WDR35: variants seen among roughly 807,000 people sequenced by gnomAD.
WDR35 encodes the protein WD repeat domain 35.
In WDR35, 118 loss-of-function variants were observed where a neutral mutation model predicts 158.3. The ratio of observed to expected loss-of-function variants is 0.75; its 90% CI spans 0.64 to 0.87. The LOEUF (loss-of-function observed/expected upper bound fraction) is 0.87. Among genes scored for constraint, WDR35 ranks in the 40% least tolerant of loss-of-function variants. WDR35 has a pLI of 0.00. For synonymous variants in WDR35, 448 were observed against 476.1 expected, an observed-to-expected ratio of 0.94 and a Z score of 0.77; for missense variants, 1,263 against 1,405.8, an observed-to-expected ratio of 0.90 and a Z score of 1.62.
At chr2:19,938,178 G>T in intron 18 of WDR35, 87 bp downstream of exon 18, 1 of 1,551,030 alleles carries the variant, frequency 6.4e-7, no homozygotes, top group South Asian at 1.1e-5. Context: ...GCTCCCATCA[G>T]GAGGATAGTA....
chr2:19,953,956 G>A lies in WDR35; in HGVS notation c.1278C>T (p.Thr426=). Residue 426 remains threonine (T), a synonymous_variant, in exon 12 of 27, where the codon ACC becomes ACT. Transcript: ENST00000281405. ...TCGAGGCTGCTATCACATGGGTTTT[G>A]GTCATTGCAACAAACAATGGTACTG... ...IDIVPLFVAM[T]KTHVIAASKE... The A allele has an allele frequency of 6.2e-7, 1 of 1,614,044 alleles. No individual in the cohort carries two copies. Among genetic ancestry groups the A allele is most frequent in the South Asian group, 1.1e-5 (1 of 91,070 alleles).
At position 19,913,262 on chromosome 2, in the gene WDR35, T is replaced by C. The variant is rs1007890270; in HGVS notation, c.*296A>G. Reference sequence around the variant, plus strand: ...ACCTTGACACTGTGAGAAAAAAATTTATTTGGAATATTTCCATGGTATCAT... The same window carrying C: ...ACCTTGACACTGTGAGAAAAAAATTCATTTGGAATATTTCCATGGTATCAT... On this transcript the variant is annotated 3_prime_UTR_variant, in exon 27 of 27. Transcript: ENST00000281405. 8 of 264,232 alleles carry C rather than the reference T, an allele frequency of 3.0e-5. No individual in the cohort carries two copies. The East Asian group carries it at 6.9e-4, about 23-fold the overall frequency. The allele number at this position is 264,232 out of a possible 1,614,324, so 16.4% of individuals were successfully genotyped here.
intron 25 of WDR35, among the ~76,000 whole-genome samples, chr2:19,927,944 C>T (rs753698430): frequency 1.4e-4 from 21 of 152,350 alleles, no homozygotes; most frequent in Middle Eastern, 3.4e-3. Context: ...AAGTAGCTCA[C>T]CATGACAAAG....
At chr2:19,987,807 G>A (rs988956070) in intron 2 of WDR35, among the ~76,000 whole-genome samples, 12 of 118,714 alleles carry the variant, frequency 1.0e-4, no homozygotes, top group South Asian at 2.9e-4. Flanking sequence ...CTGGGCAACA[G>A]AGCGAAACTC....
intron 25 of WDR35, among the ~76,000 whole-genome samples, chr2:19,929,888 CT>C (rs1187716665): frequency 1.3e-5 from 2 of 151,986 alleles, no homozygotes; most frequent in African/African-American, 4.8e-5. Context: ...CTAAGTATCA[CT>C]TTTATAAAAC....
chr2:19,977,875 C>T (rs1196372268), intron 5 of WDR35, among the ~76,000 whole-genome samples: 1 of 152,120 alleles, frequency 6.6e-6, no homozygotes, highest in Non-Finnish European at 1.5e-5. Flanking sequence ...TCCTCTGGAC[C>T]TCCTCAAATA....
At position 19,930,530 on chromosome 2, in the gene WDR35, A is replaced by C; in HGVS notation, c.2987T>G (p.Leu996Trp). The C allele has an allele frequency of 2.5e-6, 4 of 1,614,148 alleles. No homozygotes were observed. The highest frequency in any genetic ancestry group is 3.4e-6 in the Non-Finnish European group (4 of 1,180,030). The change falls in exon 25 of 27, where the codon TTG becomes TGG. Residue 996 changes from leucine (L) to tryptophan (W), a missense_variant. Physicochemically the swap from Leu to Trp is moderately conservative, Grantham distance 61 (BLOSUM62 -2). Coordinates refer to ENST00000281405, the MANE Select transcript of WDR35 (RefSeq NM_020779.4). ...SSEATSALAG[L>W]LEEEVLSTTD... The stretch of plus-strand genomic sequence containing the variant: ...TGTAGACAGAACTTCTTCTTCCAGC[A>C]AACCAGCCAAGGCAGAAGTGGCCTA...
In WDR35 at chr2:19,912,033, T is replaced by C. The variant is rs1390731268; in HGVS notation, c.*1525A>G. ...TGGCTCAAGCGGCCACTCTGGTCCT[T>C]TTTGTAACCCGACTATTAGGGGAAA... On this transcript the variant is annotated 3_prime_UTR_variant, in exon 27 of 27. Coordinates refer to ENST00000281405, the MANE Select transcript of WDR35 (RefSeq NM_020779.4). 6.6e-6 allele frequency: 1 copy of C among 152,162 alleles called. No homozygotes were observed. The highest frequency in any genetic ancestry group is 6.5e-5 in the Admixed American group (1 of 15,280). 9.4% of individuals were successfully genotyped at this position (152,162 alleles called of 1,614,324 possible).
intron 18 of WDR35, 105 bp downstream of exon 18, chr2:19,938,160 G>T: frequency 6.7e-7 from 1 of 1,502,698 alleles, no homozygotes; most frequent in South Asian, 1.2e-5. Flanking sequence ...GAGCAAGAAT[G>T]GAAGTCTGCT....
intron 11 of WDR35, 52 bp downstream of exon 11, chr2:19,960,502 T>C (rs1671611813): frequency 1.4e-6 from 2 of 1,407,140 alleles, no homozygotes; most frequent in African/African-American, 2.8e-5. Flanking sequence ...TTTAAATTAG[T>C]GTTACAAATA....
intron 1 of WDR35, among the ~76,000 whole-genome samples, chr2:19,989,680 C>T (rs1672687238): frequency 6.6e-6 from 1 of 152,186 alleles, no homozygotes; most frequent in Admixed American, 6.5e-5. Context: ...GTTTAAATCA[C>T]GTGGATCAGC....
rs148510977 is a variant in WDR35 at position 19,953,904 on chromosome 2, G to A, written c.1330C>T (p.Arg444Cys). Reference protein sequence around the residue: ...SKEAFYTWQYRVAKKLTALEI... With the variant: ...SKEAFYTWQYCVAKKLTALEI... The stretch of plus-strand genomic sequence containing the variant: ...AATGCTGTGAGCTTCTTTGCCACAC[G>A]ATATTGCCAGGTATAAAATGCTTCT... The change falls in exon 12 of 27, where the codon CGT (arginine) becomes TGT (cysteine). Residue 444 changes from arginine (R) to cysteine (C), a missense_variant. Transcript: ENST00000281405. The A allele has an allele frequency of 7.5e-5, 121 of 1,614,064 alleles. No homozygotes were observed. The highest frequency in any genetic ancestry group is 3.8e-4 in the Admixed American group (23 of 60,014).
intron 26 of WDR35, 114 bp from the exon 27 acceptor site, chr2:19,913,822 T>A: frequency 6.8e-7 from 1 of 1,466,442 alleles, no homozygotes; most frequent in Non-Finnish European, 9.2e-7. Flanking sequence ...GAACATCAAA[T>A]ACTTTCATTT....
At position 19,975,723 on chromosome 2, in the gene WDR35, A is replaced by T. The variant is rs1672188522; in HGVS notation, c.437-60T>A. 2.5e-6 allele frequency: 4 copies of T among 1,609,262 alleles called. No individual in the cohort carries two copies. The Middle Eastern group carries it at 4.9e-4, about 199-fold the overall frequency. ...CATGATCCTCCAACAACGGCTTTCG[A>T]AATCTTTGTTTTTCTAAAGATCTCA... On this transcript the variant is annotated intron_variant, in intron 5 of 26. Transcript: ENST00000281405.
At chr2:19,957,437 T>A (rs561850923) in intron 11 of WDR35, among the ~76,000 whole-genome samples, 5,336 of 152,212 alleles carry the variant, frequency 0.035, 305 homozygotes, top group African/African-American at 0.12. Context: ...CAAAACAAAA[T>A]CTTAACAGAT....
In WDR35 at chr2:19,932,384, T is replaced by C. The variant is rs1670552959; in HGVS notation, c.2722A>G (p.Arg908Gly). Residue 908 changes from arginine (R) to glycine (G), a missense_variant, in exon 23 of 27, where the codon AGG (arginine) becomes GGG (glycine). By Grantham distance (125) the Arg-to-Gly change is moderately radical (BLOSUM62 -2). Coordinates refer to ENST00000281405, the MANE Select transcript of WDR35 (RefSeq NM_020779.4). ...SMKEIGSLLA[R>G]YASHLLEKNK... ...TTTTCCAGTAAATGAGATGCATACC[T>C]AGCTAACAGAGATCCAATTTCTTTC... 6.2e-7 allele frequency: 1 copy of C among 1,613,244 alleles called. No individual in the cohort carries two copies. The highest frequency in any genetic ancestry group is 1.1e-5 in the South Asian group (1 of 91,074).
At chr2:19,915,705 TA>T (rs1390685757) in intron 25 of WDR35, among the ~76,000 whole-genome samples, 7 of 151,596 alleles carry the variant, frequency 4.6e-5, no homozygotes, top group African/African-American at 1.7e-4. Context: ...AAACTAGGAA[TA>T]AACTGAAAAA....
chr2:19,921,214 G>A (rs1670155327), intron 25 of WDR35, among the ~76,000 whole-genome samples: 2 of 152,086 alleles, frequency 1.3e-5, no homozygotes, highest in African/African-American at 4.8e-5. Context: ...TTTCTTTACA[G>A]AATTAGAAAG....
intron 26 of WDR35, 95 bp from the exon 27 acceptor site, chr2:19,913,803 T>C (rs1669907666): frequency 6.5e-7 from 1 of 1,533,592 alleles, no homozygotes; most frequent in Non-Finnish European, 8.9e-7. Context: ...AGAATAAAAC[T>C]TCTGAGATGA....
Sources: gnomAD v4.1 joint callset for allele counts (sites outside exome capture counted in the v4.1 genomes callset) on GRCh38, gnomAD v4.1.1 for gene constraint, MANE v1.5 for transcripts, NCBI Gene and HGNC (gene_info 2026-07-23, HGNC 2026-07-21) for gene names.